TENM4: variants seen among roughly 807,000 people sequenced by gnomAD.
TENM4 encodes the protein teneurin transmembrane protein 4.
Under a neutral mutation model 243.3 loss-of-function variants are expected in TENM4, and 82 were observed. That is an observed-to-expected ratio of 0.34 (90% CI 0.28 to 0.40). The LOEUF (loss-of-function observed/expected upper bound fraction) is 0.40, where lower values mean the gene tolerates loss of function less well. Among genes scored for constraint, TENM4 ranks in the 10% least tolerant of loss-of-function variants. TENM4 has a pLI of 1.00. For missense variants in TENM4, 3,138 were observed against 3,673.3 expected (o/e 0.85, Z 3.77); for synonymous variants, 1,412 against 1,456.3 (o/e 0.97, Z 0.69).
At chr11:78,936,807 T>C (rs1856795770) in intron 6 of TENM4, among the ~76,000 whole-genome samples, 1 of 152,194 alleles carries the variant, frequency 6.6e-6, no homozygotes, top group African/African-American at 2.4e-5. Context: ...GACAAGGTAG[T>C]GTGTTAGAAT....
chr11:79,412,556 T>C (rs971592871), intron 1 of TENM4, among the ~76,000 whole-genome samples: 7 of 152,220 alleles, frequency 4.6e-5, no homozygotes, highest in Non-Finnish European at 5.9e-5. Flanking sequence ...GTCTATGCTT[T>C]GGTTTCCTCA....
intron 4 of TENM4, among the ~76,000 whole-genome samples, chr11:79,146,890 C>T (rs1257164847): frequency 6.6e-6 from 1 of 152,080 alleles, no homozygotes; most frequent in African/African-American, 2.4e-5. Context: ...GTTTTCATTC[C>T]TCTGTTATAC....
chr11:78,859,819 T>G lies in TENM4; in HGVS notation c.1255+3143A>C, dbSNP rs1316160497. Among the ~76,000 whole-genome samples the G allele has an allele frequency of 2.0e-5, 3 of 152,254 alleles. No individual in the cohort carries two copies. In the East Asian group the frequency reaches 5.8e-4, roughly 29 times the overall value. On this transcript the variant is annotated intron_variant, in intron 10 of 33. Coordinates refer to ENST00000278550, the MANE Select transcript of TENM4 (RefSeq NM_001098816.3). ...GCATGGTTCAAACTAATGGGCAATT[T>G]TTATTTCACTGCAGAAAGAAGAAAA...
intron 6 of TENM4, among the ~76,000 whole-genome samples, chr11:78,979,624 G>T (rs1008083328): frequency 3.9e-5 from 6 of 152,176 alleles, no homozygotes; most frequent in African/African-American, 1.4e-4. Flanking sequence ...CAGGCAGAGA[G>T]AACAGCTTAT....
chr11:79,044,901 G>A (rs917053840), intron 6 of TENM4, among the ~76,000 whole-genome samples: 1 of 152,096 alleles, frequency 6.6e-6, no homozygotes, highest in African/African-American at 2.4e-5. Flanking sequence ...AGCGAATAAG[G>A]TGCCCTGGGT....
chr11:78,938,106 C>A (rs1271603675), intron 6 of TENM4, among the ~76,000 whole-genome samples: 1 of 152,158 alleles, frequency 6.6e-6, no homozygotes, highest in East Asian at 1.9e-4. Flanking sequence ...GGGTCTTAAT[C>A]AAAAACTTTC....
chr11:78,919,988 T>C (rs1856413189), intron 6 of TENM4, among the ~76,000 whole-genome samples: 1 of 152,150 alleles, frequency 6.6e-6, no homozygotes, highest in South Asian at 2.1e-4. Context: ...GCTAGCACAC[T>C]AACTCGTATG....
intron 1 of TENM4, among the ~76,000 whole-genome samples, chr11:79,344,978 A>AT (rs1189020670): frequency 5.3e-5 from 8 of 152,018 alleles, no homozygotes; most frequent in Admixed American, 1.3e-4. Flanking sequence ...AGGGTAATGG[A>AT]TTTTTTTTCA....
chr11:78,817,021 G>A (rs1207105375), intron 12 of TENM4, among the ~76,000 whole-genome samples: 2 of 152,134 alleles, frequency 1.3e-5, no homozygotes, highest in African/African-American at 4.8e-5. Context: ...ACTGCTTCCT[G>A]TTCTAAAATT....
intron 6 of TENM4, among the ~76,000 whole-genome samples, chr11:78,979,492 T>A (rs940642367): frequency 6.6e-6 from 1 of 152,330 alleles, no homozygotes; most frequent in South Asian, 2.1e-4. Flanking sequence ...AACCAGGAGT[T>A]GGCCAGGTTA....
In TENM4 at chr11:79,192,127, C is replaced by T. The variant is rs528823538; in HGVS notation, c.-163+23681G>A. On this transcript the variant is annotated intron_variant, in intron 3 of 33. Transcript: ENST00000278550. ...CAGCCCCCCGCCCGGCCAGCCGCCC[C>T]GTCCGGGAGGGAGGTGGGGGGGTCA... Among the ~76,000 whole-genome samples the T allele has an allele frequency of 4.7e-3, 707 of 150,576 alleles. 8 individuals carry two copies. Among genetic ancestry groups the T allele is most frequent in the African/African-American group, 0.015 (618 of 41,034 alleles).
At chr11:79,209,028 G>A (rs4944226) in intron 3 of TENM4, among the ~76,000 whole-genome samples, 6,036 of 152,218 alleles carry the variant, frequency 0.04, 207 homozygotes, top group African/African-American at 0.09. Flanking sequence ...GCAGCCGCAG[G>A]TGCAATTAGC....
chr11:79,074,289 C>G (rs1174129420), intron 4 of TENM4, among the ~76,000 whole-genome samples: 5 of 152,028 alleles, frequency 3.3e-5, no homozygotes, highest in African/African-American at 1.2e-4. Flanking sequence ...AGAGGAGTGA[C>G]AGTGGAGAAA....
chr11:79,222,375 T>C (rs1283978777), intron 2 of TENM4, among the ~76,000 whole-genome samples: 1 of 152,230 alleles, frequency 6.6e-6, no homozygotes, highest in African/African-American at 2.4e-5. Context: ...ATGGTGTATA[T>C]GTACAACATT....
At chr11:79,092,538 A>C (rs1860983692) in intron 4 of TENM4, among the ~76,000 whole-genome samples, 1 of 152,196 alleles carries the variant, frequency 6.6e-6, no homozygotes, top group Admixed American at 6.5e-5. Context: ...CATGGCTAGC[A>C]GAGTGTGCAC....
At position 78,736,599 on chromosome 11, in the gene TENM4, T is replaced by A. The variant is rs191693819; in HGVS notation, c.2876+1852A>T. ...TTCAGTCCACTTGTGCACACTGTTA[T>A]TTCCAGACTATATCTCTTAGTCTTA... On this transcript the variant is annotated intron_variant, in intron 20 of 33. Coordinates refer to ENST00000278550, the MANE Select transcript of TENM4 (RefSeq NM_001098816.3). Among the ~76,000 whole-genome samples the A allele has an allele frequency of 8.5e-3, 1,294 of 152,260 alleles. 14 individuals are homozygous for A. Among genetic ancestry groups the A allele is most frequent in the Middle Eastern group, 0.02 (6 of 294 alleles).
intron 29 of TENM4, among the ~76,000 whole-genome samples, chr11:78,686,068 G>T (rs1046500784): frequency 6.6e-6 from 1 of 152,216 alleles, no homozygotes; most frequent in Non-Finnish European, 1.5e-5. Context: ...CTGACTGTGG[G>T]TCATAAGACG....
intron 4 of TENM4, among the ~76,000 whole-genome samples, chr11:79,100,360 C>T (rs1001302205): frequency 6.6e-6 from 1 of 152,166 alleles, no homozygotes; most frequent in South Asian, 2.1e-4. Flanking sequence ...CAGTGGACCT[C>T]GTTTCAGGGA....
At chr11:79,045,383 T>C (rs1178424682) in intron 6 of TENM4, among the ~76,000 whole-genome samples, 1 of 152,114 alleles carries the variant, frequency 6.6e-6, no homozygotes, top group African/African-American at 2.4e-5. Context: ...ACGGGGTCAG[T>C]GGGGTCAGAA....
Sources: gnomAD v4.1 joint callset for allele counts (sites outside exome capture counted in the v4.1 genomes callset) on GRCh38, gnomAD v4.1.1 for gene constraint, MANE v1.5 for transcripts, NCBI Gene and HGNC (gene_info 2026-07-23, HGNC 2026-07-21) for gene names.